IL1RAPL1: variants seen among roughly 807,000 people sequenced by gnomAD.
IL1RAPL1 encodes interleukin 1 receptor accessory protein like 1.
IL1RAPL1 carries 3 observed loss-of-function variants against 48.4 expected under a neutral mutation model. The observed-to-expected ratio is 0.06, with a 90% confidence interval of 0.03 to 0.16. IL1RAPL1 has a LOEUF of 0.16. Ranked by LOEUF, IL1RAPL1 falls within the 10% of genes least tolerant of loss-of-function variation. The pLI, the probability that IL1RAPL1 is intolerant of heterozygous loss-of-function variation, is 1.00. For synonymous variants in IL1RAPL1, 185 were observed against 187.7 expected (o/e 0.99, Z 0.12); for missense variants, 349 against 530.6 (o/e 0.66, Z 3.36).
intron 5 of IL1RAPL1, among the ~76,000 whole-genome samples, chrX:29,506,714 G>T (rs1231735520): frequency 1.9e-5 from 2 of 108,026 alleles, no homozygotes; most frequent in African/African-American, 7.0e-5. Flanking sequence ...CTAATTTGTT[G>T]TCTTTTTTTT....
At chrX:29,862,732 A>G (rs1294866333) in intron 6 of IL1RAPL1, among the ~76,000 whole-genome samples, 1 of 110,998 alleles carries the variant, frequency 9.0e-6, no homozygotes, top group Non-Finnish European at 1.9e-5. Context: ...AGTAGGAACA[A>G]TAGAGCATGT....
chrX:29,034,710 A>G (rs935078550), intron 2 of IL1RAPL1, among the ~76,000 whole-genome samples: 5 of 111,681 alleles, frequency 4.5e-5, no homozygotes, highest in Admixed American at 3.8e-4. Context: ...AGAATCTTTC[A>G]TTTCTGGAAA....
At chrX:29,507,623 TAA>T (rs201893017) in intron 5 of IL1RAPL1, among the ~76,000 whole-genome samples, 1,245 of 104,603 alleles carry the variant, frequency 0.012, 22 homozygotes, top group African/African-American at 0.041. Context: ...TCTTTATTCT[TAA>T]AAAAACAACT....
chrX:29,122,378 A>G (rs1190681265), intron 2 of IL1RAPL1, among the ~76,000 whole-genome samples: 1 of 106,251 alleles, frequency 9.4e-6, no homozygotes, highest in Non-Finnish European at 1.9e-5. Context: ...TTTGGGATAT[A>G]TACATCTCTC....
At chrX:29,836,252 A>C (rs1460989910) in intron 6 of IL1RAPL1, among the ~76,000 whole-genome samples, 1 of 100,594 alleles carries the variant, frequency 9.9e-6, no homozygotes, top group Non-Finnish European at 1.9e-5. Flanking sequence ...GTGCAGTGGC[A>C]TGATCTTGGC....
chrX:29,100,677 T>G (rs965445159), intron 2 of IL1RAPL1, among the ~76,000 whole-genome samples: 14 of 111,796 alleles, frequency 1.3e-4, no homozygotes, highest in Admixed American at 1.2e-3. Context: ...GATCTGGGCT[T>G]TAGCATTTAT....
In IL1RAPL1 at chrX:29,736,590, G is replaced by C. The variant is rs1419778079; in HGVS notation, c.778+68086G>C. On this transcript the variant is annotated intron_variant, in intron 6 of 10. Transcript: ENST00000378993. ...AGAATACAAAAATTAGCCGGGCGTT[G>C]TGGTGCATGCCTGTAGTCCCAGCTA... 2.7e-5 allele frequency among the ~76,000 whole-genome samples: 3 copies of C among 111,583 alleles called. No individual in the cohort carries two copies. In the East Asian group the frequency reaches 8.5e-4, roughly 32 times the overall value.
chrX:29,864,371 G>C (rs774085253), intron 6 of IL1RAPL1, among the ~76,000 whole-genome samples: 15 of 112,020 alleles, frequency 1.3e-4, no homozygotes, highest in African/African-American at 1.9e-4. Context: ...GCTCCTGAAG[G>C]GGGTGGCCCT....
At chrX:29,342,104 G>A (rs1477539828) in intron 3 of IL1RAPL1, among the ~76,000 whole-genome samples, 1 of 97,922 alleles carries the variant, frequency 1.0e-5, no homozygotes, top group Non-Finnish European at 2.1e-5. Flanking sequence ...ACTGCACACG[G>A]CCTTGTTTTG....
Position 28,900,388 on chromosome X carries a change from G to A in IL1RAPL1, c.82+110963G>A, listed in dbSNP as rs181379545. ...AGCCCTCTAATGGAAAGAGAACATA[G>A]TTTTTCTACAAAAATCAAGGCTAAG... On this transcript the variant is annotated intron_variant, in intron 2 of 10. Coordinates refer to ENST00000378993, the MANE Select transcript of IL1RAPL1 (RefSeq NM_014271.4). Among the ~76,000 whole-genome samples the A allele has an allele frequency of 3.6e-5, 4 of 111,562 alleles. No homozygotes were observed. In the Admixed American group the frequency reaches 3.8e-4, roughly 11 times the overall value.
intron 5 of IL1RAPL1, among the ~76,000 whole-genome samples, chrX:29,612,217 G>A (rs1349531835): frequency 9.0e-6 from 1 of 110,577 alleles, no homozygotes; most frequent in African/African-American, 3.3e-5. Context: ...AGAGCAATGG[G>A]TAATATTTTT....
intron 1 of IL1RAPL1, among the ~76,000 whole-genome samples, chrX:28,614,516 T>C (rs1011719567): frequency 2.7e-5 from 3 of 111,623 alleles, no homozygotes; most frequent in African/African-American, 6.5e-5. Flanking sequence ...GATTAGAATA[T>C]GGATTTTTGT....
intron 2 of IL1RAPL1, among the ~76,000 whole-genome samples, chrX:29,008,554 T>C (rs1158309703): frequency 1.8e-5 from 2 of 112,695 alleles, no homozygotes; most frequent in African/African-American, 6.4e-5. Context: ...CATAAACATA[T>C]ATCATAATAT....
At chrX:28,965,843 C>A (rs376662616) in intron 2 of IL1RAPL1, among the ~76,000 whole-genome samples, 1 of 111,853 alleles carries the variant, frequency 8.9e-6, no homozygotes, top group East Asian at 2.8e-4. Flanking sequence ...ACAATTTTCT[C>A]GTGACGAATG....
At chrX:28,722,932 A>G (rs1234151974) in intron 1 of IL1RAPL1, among the ~76,000 whole-genome samples, 12 of 111,194 alleles carry the variant, frequency 1.1e-4, no homozygotes, top group Non-Finnish European at 1.5e-4. Flanking sequence ...CTTGCACCCC[A>G]GGGATGAAGT....
chrX:29,433,746 C>CT (rs1279657368), intron 5 of IL1RAPL1, among the ~76,000 whole-genome samples: 1 of 111,175 alleles, frequency 9.0e-6, no homozygotes, highest in East Asian at 2.8e-4. Context: ...AATTTGATAA[C>CT]TAATTCATTG....
chrX:29,094,443 A>G (rs1928158328), intron 2 of IL1RAPL1, among the ~76,000 whole-genome samples: 1 of 109,780 alleles, frequency 9.1e-6, no homozygotes, highest in Admixed American at 9.8e-5. Context: ...TTAAATTTCT[A>G]GATTTTTTGT....
chrX:28,752,006 T>A (rs1936049508), intron 1 of IL1RAPL1, among the ~76,000 whole-genome samples: 1 of 111,975 alleles, frequency 8.9e-6, no homozygotes, highest in South Asian at 3.7e-4. Context: ...TTTTAACAAT[T>A]ATGAAAAATT....
At chrX:29,608,645 T>G (rs1265281173) in intron 5 of IL1RAPL1, among the ~76,000 whole-genome samples, 1 of 105,978 alleles carries the variant, frequency 9.4e-6, no homozygotes, top group Non-Finnish European at 1.9e-5. Context: ...GCTAACACGG[T>G]GAAACCCCGT....
Sources: gnomAD v4.1 joint callset for allele counts (sites outside exome capture counted in the v4.1 genomes callset) on GRCh38, gnomAD v4.1.1 for gene constraint, MANE v1.5 for transcripts, NCBI Gene and HGNC (gene_info 2026-07-23, HGNC 2026-07-21) for gene names.